The following GRIK3 variants were observed in gnomAD, a reference collection of about 807,000 sequenced individuals.
GRIK3 encodes glutamate ionotropic receptor kainate type subunit 3.
A neutral mutation model predicts 102.5 loss-of-function variants in GRIK3; 29 were observed. The observed-to-expected ratio is 0.28, with a 90% CI of 0.21 to 0.39. The LOEUF (loss-of-function observed/expected upper bound fraction) is 0.39, where lower values mean the gene tolerates loss of function less well. Among genes scored for constraint, GRIK3 ranks in the 10% least tolerant of loss-of-function variants. GRIK3 has a pLI of 1.00. For synonymous variants in GRIK3, 511 were observed against 504.9 expected, an observed-to-expected ratio of 1.01 and a Z score of -0.16; for missense variants, 908 against 1,252.4, an observed-to-expected ratio of 0.73 and a Z score of 4.15.
intron 11 of GRIK3, among the ~76,000 whole-genome samples, chr1:36,823,951 C>A (rs1334170506): frequency 6.6e-6 from 1 of 152,128 alleles, no homozygotes; most frequent in African/African-American, 2.4e-5. Flanking sequence ...GATAATTATA[C>A]CCACCTCAAG....
chr1:36,981,903 C>T (rs2124367080), intron 1 of GRIK3, among the ~76,000 whole-genome samples: 1 of 152,302 alleles, frequency 6.6e-6, no homozygotes, highest in East Asian at 1.9e-4. Context: ...AGCAGCGCCC[C>T]AGCTGAGCTG....
intron 1 of GRIK3, among the ~76,000 whole-genome samples, chr1:37,017,214 CA>C (rs35643683): frequency 0.48 from 63,156 of 131,092 alleles, 14,024 homozygotes; most frequent in East Asian, 0.56. Context: ...GACTTTGTCT[CA>C]AAAAAAAAAA....
At chr1:36,845,801 A>G (rs1640513187) in intron 9 of GRIK3, among the ~76,000 whole-genome samples, 1 of 152,184 alleles carries the variant, frequency 6.6e-6, no homozygotes, top group Non-Finnish European at 1.5e-5. Flanking sequence ...GGAGGGGCCT[A>G]GAATCGTTCC....
At chr1:36,987,047 C>A (rs1196760431) in intron 1 of GRIK3, among the ~76,000 whole-genome samples, 1 of 152,226 alleles carries the variant, frequency 6.6e-6, no homozygotes, top group African/African-American at 2.4e-5. Context: ...CCCTGGCTGG[C>A]TGAGCACTCC....
intron 1 of GRIK3, among the ~76,000 whole-genome samples, chr1:36,945,917 A>C (rs1641778776): frequency 6.6e-6 from 1 of 152,192 alleles, no homozygotes; most frequent in Non-Finnish European, 1.5e-5. Flanking sequence ...TTGTGCTCCA[A>C]GGGGGACCTA....
intron 1 of GRIK3, among the ~76,000 whole-genome samples, chr1:36,902,292 A>G (rs1318172585): frequency 6.6e-6 from 1 of 152,032 alleles, no homozygotes; most frequent in Non-Finnish European, 1.5e-5. Flanking sequence ...GAAGGAGAAG[A>G]ACAACATTGG....
intron 1 of GRIK3, among the ~76,000 whole-genome samples, chr1:37,009,858 A>G (rs1181817129): frequency 6.6e-6 from 1 of 151,812 alleles, no homozygotes; most frequent in Admixed American, 6.5e-5. Flanking sequence ...GACAGTCCTG[A>G]GGATGCTGTG....
At chr1:37,002,595 C>T (rs1642488950) in intron 1 of GRIK3, among the ~76,000 whole-genome samples, 1 of 151,926 alleles carries the variant, frequency 6.6e-6, no homozygotes, top group African/African-American at 2.4e-5. Context: ...CATGGAGAAA[C>T]AGACAGTACC....
At chr1:36,869,493 AG>A (rs1202655717) in intron 5 of GRIK3, among the ~76,000 whole-genome samples, 1 of 152,222 alleles carries the variant, frequency 6.6e-6, no homozygotes, top group African/African-American at 2.4e-5. Context: ...GCCTTAGCCA[AG>A]GAACCACAGT....
At chr1:36,935,576 A>G (rs1454058348) in intron 1 of GRIK3, among the ~76,000 whole-genome samples, 1 of 136,718 alleles carries the variant, frequency 7.3e-6, no homozygotes, top group East Asian at 2.2e-4. Flanking sequence ...CCCCGCACCC[A>G]GCAAAGATGA....
At chr1:36,833,486 C>G (rs1328741719) in intron 10 of GRIK3, among the ~76,000 whole-genome samples, 2 of 152,158 alleles carry the variant, frequency 1.3e-5, no homozygotes, top group East Asian at 3.9e-4. Context: ...GGGCTGGGCT[C>G]CACCTTTGGA....
intron 9 of GRIK3, among the ~76,000 whole-genome samples, chr1:36,843,809 C>T (rs576025317): frequency 6.6e-6 from 1 of 152,338 alleles, no homozygotes; most frequent in East Asian, 1.9e-4. Flanking sequence ...TGTCTCAAGC[C>T]TTCAGTGGCT....
rs561252631 is a variant in GRIK3, at chr1:36,856,314, C to T, written c.1105-2592G>A. Among the ~76,000 whole-genome samples the T allele has an allele frequency of 2.6e-5, 4 of 152,336 alleles. No individual in the cohort carries two copies. In the East Asian group the frequency reaches 5.8e-4, roughly 22 times the overall value. On this transcript the variant is annotated intron_variant, in intron 7 of 15. Coordinates refer to ENST00000373091, the MANE Select transcript of GRIK3 (RefSeq NM_000831.4). ...GTATAAAATGCCAGCAGGTGCACGG[C>T]CTGTCTGTGGGCGGGTGGACAGGGC...
intron 10 of GRIK3, among the ~76,000 whole-genome samples, chr1:36,829,012 G>A (rs568637864): frequency 9.8e-5 from 15 of 152,296 alleles, no homozygotes; most frequent in South Asian, 6.2e-4. Context: ...CAAGGCATCC[G>A]CAGCATTCTA....
intron 10 of GRIK3, among the ~76,000 whole-genome samples, chr1:36,833,157 C>T (rs1349322805): frequency 6.6e-6 from 1 of 152,096 alleles, no homozygotes; most frequent in East Asian, 1.9e-4. Context: ...CATCAAAATA[C>T]CCCCAAGAGT....
intron 11 of GRIK3, among the ~76,000 whole-genome samples, chr1:36,821,550 T>A (rs1381726783): frequency 6.6e-6 from 1 of 152,216 alleles, no homozygotes; most frequent in African/African-American, 2.4e-5. Flanking sequence ...GAGTCCCTGC[T>A]GCACAACATT....
chr1:36,846,395 C>T (rs1270120246), intron 9 of GRIK3, among the ~76,000 whole-genome samples: 1 of 152,160 alleles, frequency 6.6e-6, no homozygotes, highest in Non-Finnish European at 1.5e-5. Flanking sequence ...GGTTTGGTGG[C>T]AGCTCACACA....
chr1:36,898,002 G>A (rs1641192261), intron 1 of GRIK3, among the ~76,000 whole-genome samples: 1 of 152,054 alleles, frequency 6.6e-6, no homozygotes, highest in Admixed American at 6.6e-5. Context: ...AACATAGATG[G>A]AAATGAGGTC....
chr1:36,944,580 A>C (rs1334487466), intron 1 of GRIK3, among the ~76,000 whole-genome samples: 4 of 152,152 alleles, frequency 2.6e-5, no homozygotes, highest in Non-Finnish European at 5.9e-5. Context: ...TCAGAAGGGA[A>C]GAGAAATGGG....
Sources: gnomAD v4.1 joint callset for allele counts (sites outside exome capture counted in the v4.1 genomes callset) on GRCh38, gnomAD v4.1.1 for gene constraint, MANE v1.5 for transcripts, NCBI Gene and HGNC (gene_info 2026-07-23, HGNC 2026-07-21) for gene names.